Variants in RECQL observed in about 807,000 individuals in gnomAD.
RECQL encodes ATP-dependent DNA helicase Q1.
In RECQL, 73 loss-of-function variants were observed where a neutral mutation model predicts 75.8. The ratio of observed to expected loss-of-function variants is 0.96; its 90% CI spans 0.80 to 1.17. The LOEUF is 1.17. RECQL is among the 50% of genes most tolerant of loss of function. The probability of loss-of-function intolerance (pLI) is 0.00; values close to 1 mark genes in which losing one functional copy is unlikely to be tolerated. For synonymous variants in RECQL, 248 were observed against 254.4 expected (o/e 0.97, Z 0.24); for missense variants, 699 against 772.1 (o/e 0.91, Z 1.12).
chr12:21,490,005 CT>C (rs1426190794), intron 4 of RECQL, among the ~76,000 whole-genome samples, 193 bp downstream of exon 4: 1 of 151,982 alleles, frequency 6.6e-6, no homozygotes, highest in Non-Finnish European at 1.5e-5. Context: ...ACATATACCC[CT>C]GAATCTAAAA....
At chr12:21,479,243 A>G (rs1943145834) in intron 6 of RECQL, among the ~76,000 whole-genome samples, 1 of 152,082 alleles carries the variant, frequency 6.6e-6, no homozygotes, top group Admixed American at 6.6e-5. Context: ...CTGAACCCTG[A>G]CTGACACTGT....
chr12:21,469,371 G>C lies in RECQL; in HGVS notation c.*823C>G, dbSNP rs1461777021. The C allele has an allele frequency of 1.3e-5, 2 of 151,214 alleles. No individual in the cohort carries two copies. Among genetic ancestry groups the C allele is most frequent in the Non-Finnish European group, 2.9e-5 (2 of 67,874 alleles). 9.4% of individuals were successfully genotyped at this position (151,214 alleles called of 1,614,324 possible). The stretch of plus-strand genomic sequence containing the variant: ...TTTCTTAAAACATGAGATTTTTCTT[G>C]CAATTTTTTTTTTTTTAAGCTCATC... On this transcript the variant is annotated 3_prime_UTR_variant, in exon 15 of 15. Coordinates refer to ENST00000444129, the MANE Select transcript of RECQL (RefSeq NM_002907.4).
Position 21,486,553 on chromosome 12 carries a change from G to A in RECQL, c.427C>T (p.Leu143Phe), listed in dbSNP as rs1943301020. 3.2e-6 allele frequency: 5 copies of A among 1,538,716 alleles called. No individual in the cohort carries two copies. The highest frequency in any genetic ancestry group is 4.4e-6 in the Non-Finnish European group (5 of 1,143,000). Residue 143 changes from leucine (L) to phenylalanine (F), a missense_variant, in exon 5 of 15, where the codon CTT becomes TTT. Leu to Phe is a conservative substitution (Grantham distance 22). Coordinates refer to ENST00000444129, the MANE Select transcript of RECQL (RefSeq NM_002907.4). ...FTLVICPLIS[L>F]MEDQLMVLKQ... ...AAAACCATTAATTGGTCTTCCATAA[G>A]AGAGATCAATGGGCAAATGACGAGT...
rs146941524 is a variant in RECQL, at chr12:21,497,139, C to T, written c.16+2416G>A. Reference sequence around the variant, plus strand: ...TGCCTATCATCAACCAGGTGTCATCCGACCCATCAATTCATCAGGCAGGCC... The same window carrying T: ...TGCCTATCATCAACCAGGTGTCATCTGACCCATCAATTCATCAGGCAGGCC... On this transcript the variant is annotated intron_variant, in intron 2 of 14. Coordinates refer to ENST00000444129, the MANE Select transcript of RECQL (RefSeq NM_002907.4). Among the ~76,000 whole-genome samples the T allele has an allele frequency of 3.2e-4, 49 of 152,232 alleles. 3 individuals are homozygous for T. In the East Asian group the frequency reaches 8.7e-3, roughly 27 times the overall value.
intron 11 of RECQL, among the ~76,000 whole-genome samples, chr12:21,474,164 A>G (rs1357337409): frequency 6.6e-6 from 1 of 152,096 alleles, no homozygotes; most frequent in Non-Finnish European, 1.5e-5. Flanking sequence ...TAAAGTAGCA[A>G]TATTTGAGTT....
chr12:21,477,090 GTGTTTT>G lies in RECQL; in HGVS notation c.868-104_868-99del, dbSNP rs1943102272. 9.0e-6 allele frequency: 7 copies of G among 774,412 alleles called. No individual in the cohort carries two copies. The Admixed American group carries it at 2.2e-4, about 25-fold the overall frequency. The allele number at this position is 774,412 out of a possible 1,614,324, so 48.0% of individuals were successfully genotyped here. On this transcript the variant is annotated intron_variant, in intron 7 of 14. Coordinates refer to ENST00000444129, the MANE Select transcript of RECQL (RefSeq NM_002907.4). ...AGGATGCAGTTCTTTCATGACCATA[GTGTTTT>G]TTTTCCTATTACTCTTTCACTTACT...
At chr12:21,470,789 A>G in intron 14 of RECQL, 180 bp downstream of exon 14, 1 of 426,092 alleles carries the variant, frequency 2.3e-6, no homozygotes, top group Non-Finnish European at 3.9e-6. Flanking sequence ...GCCAGTCTAA[A>G]TTCTTTCACT....
chr12:21,471,255 T>A, intron 13 of RECQL, 157 bp from the exon 14 acceptor site: 2 of 998,888 alleles, frequency 2.0e-6, no homozygotes, highest in Non-Finnish European at 2.8e-6. Flanking sequence ...AGAAAATATT[T>A]TCGTTACTTT....
chr12:21,481,361 T>C (rs1481212702), intron 6 of RECQL, among the ~76,000 whole-genome samples: 1 of 152,230 alleles, frequency 6.6e-6, no homozygotes, highest in African/African-American at 2.4e-5. Context: ...ATTTAAAGTT[T>C]AGCAGTTAGC....
intron 1 of RECQL, 68 bp from the exon 2 acceptor site, chr12:21,499,683 C>A: frequency 1.3e-6 from 1 of 779,852 alleles, no homozygotes. Flanking sequence ...GTTCACTCAA[C>A]AGTAATCTGT....
intron 13 of RECQL, 88 bp downstream of exon 13, chr12:21,471,336 CAAAA>C: frequency 8.2e-7 from 1 of 1,219,634 alleles, no homozygotes; most frequent in Non-Finnish European, 1.1e-6. Flanking sequence ...AAAGTTCACA[CAAAA>C]TAACTGCAAA....
At chr12:21,481,556 T>C (rs548243402) in intron 6 of RECQL, among the ~76,000 whole-genome samples, 1 of 152,220 alleles carries the variant, frequency 6.6e-6, no homozygotes, top group Admixed American at 6.5e-5. Context: ...TGGCGCTATC[T>C]GGTTAAGAAA....
chr12:21,488,928 C>T (rs1020200034), intron 4 of RECQL, among the ~76,000 whole-genome samples: 8 of 152,206 alleles, frequency 5.3e-5, no homozygotes, highest in African/African-American at 1.9e-4. Context: ...TTACTGAATA[C>T]ATCATAATGT....
intron 8 of RECQL, among the ~76,000 whole-genome samples, 175 bp downstream of exon 8, chr12:21,476,736 T>G (rs1290699893): frequency 6.6e-6 from 1 of 152,140 alleles, no homozygotes; most frequent in African/African-American, 2.4e-5. Context: ...TAAGCAAATG[T>G]CACACCCAAT....
At chr12:21,480,881 T>C (rs558784370) in intron 6 of RECQL, among the ~76,000 whole-genome samples, 199 of 152,348 alleles carry the variant, frequency 1.3e-3, no homozygotes, top group African/African-American at 4.6e-3. Flanking sequence ...CTAAGTCTTA[T>C]TTGTTCCAAT....
At chr12:21,474,744 T>C in intron 11 of RECQL, 97 bp downstream of exon 11, 8 of 1,168,870 alleles carry the variant, frequency 6.8e-6, no homozygotes, top group Non-Finnish European at 2.5e-6. Context: ...TGCACTTTGG[T>C]GTTCCACCAA....
Position 21,473,617 on chromosome 12 carries a change from G to A in RECQL, c.1381C>T (p.His461Tyr). 6.2e-7 allele frequency: 1 copy of A among 1,612,704 alleles called. No individual in the cohort carries two copies. ...SKCRRVLMAQ[H>Y]FDEVWNSEAC... ...TCTGAGTTCCATACTTCATCAAAAT[G>A]TTGAGCCATCAACACACGACGACAT... The change falls in exon 12 of 15, where the codon CAT (histidine) becomes TAT (tyrosine). Residue 461 changes from histidine (H) to tyrosine (Y), a missense_variant. Physicochemically the swap from His to Tyr is moderately conservative, Grantham distance 83. Around this residue, in one of 2 missense-constraint regions of RECQL, gnomAD observed 669 missense variants for 713.5 expected, o/e 0.94. Transcript: ENST00000444129.
intron 5 of RECQL, 134 bp downstream of exon 5, chr12:21,486,345 G>A (rs1943295718): frequency 8.6e-7 from 1 of 1,160,976 alleles, no homozygotes; most frequent in Non-Finnish European, 1.1e-6. Context: ...GCCAGAACTG[G>A]CCAAGAGCAG....
chr12:21,483,445 T>C lies in RECQL; in HGVS notation c.631A>G (p.Arg211Gly). 1 of 1,606,768 alleles carries C rather than the reference T, an allele frequency of 6.2e-7. No homozygotes were observed. The part of the protein sequence containing the change: ...MSRLEKAYEA[R>G]RFTRIAVDEV... ...TCCACAGCAATTCGAGTAAATCTCC[T>C]TGCTTCATAGGCTTTCTCTAGTCTT... Residue 211 changes from arginine (R) to glycine (G), a missense_variant, in exon 6 of 15, where the codon AGG becomes GGG. Arg to Gly is a moderately radical substitution (Grantham distance 125). Coordinates refer to ENST00000444129, the MANE Select transcript of RECQL (RefSeq NM_002907.4).
Sources: gnomAD v4.1 joint callset for allele counts (sites outside exome capture counted in the v4.1 genomes callset) on GRCh38, gnomAD v4.1.1 for gene constraint, gnomAD v4.1.1 regional missense constraint, MANE v1.5 for transcripts, NCBI Gene and HGNC (gene_info 2026-07-23, HGNC 2026-07-21) for gene names.